MVD: variants seen among roughly 807,000 people sequenced by gnomAD.
MVD encodes mevalonate diphosphate decarboxylase.
In MVD, 52 loss-of-function variants were observed where a neutral mutation model predicts 42.4. The ratio of observed to expected loss-of-function variants is 1.23; its 90% CI spans 0.98 to 1.55. The LOEUF (loss-of-function observed/expected upper bound fraction) is 1.55. Among genes scored for constraint, MVD ranks in the 40% most tolerant of loss-of-function variants. The pLI is 0.00. For missense variants in MVD, 663 were observed against 572.1 expected (o/e 1.16, Z -1.62); for synonymous variants, 287 against 243.2 (o/e 1.18, Z -1.68).
rs1418950603 is a variant in MVD at position 88,662,887 on chromosome 16, G to C, written c.70+124C>G. 12 of 1,484,632 alleles carry C rather than the reference G, an allele frequency of 8.1e-6. No individual in the cohort carries two copies. The East Asian group carries it at 1.9e-4, about 24-fold the overall frequency. The allele number at this position is 1,484,632 out of a possible 1,614,324, so 92.0% of individuals were successfully genotyped here. A position where few individuals can be genotyped will look rare whatever the true frequency, so the allele number is the denominator to read the frequency against. ...CCGCCGCGCCCCTCCCTGAGCCTCA[G>C]TTTCCCCGTCTGTCGAGGCCCTGGG... is the stretch of plus-strand genomic sequence containing the variant. On this transcript the variant is annotated intron_variant, in intron 1 of 9. Coordinates refer to ENST00000301012, the MANE Select transcript of MVD (RefSeq NM_002461.3).
chr16:88,656,288 A>G lies in MVD; in HGVS notation c.420T>C (p.Arg140=), dbSNP rs765307322. The G allele has an allele frequency of 6.3e-7, 1 of 1,599,634 alleles. No homozygotes were observed. Among genetic ancestry groups the G allele is most frequent in the Non-Finnish European group, 8.5e-7 (1 of 1,179,906 alleles). The stretch of plus-strand genomic sequence containing the variant: ...AGAGGTCACTCTCCACGCCGTAGAC[A>G]CGGGCCAGGGTGTAGGCTGCAGGCA... ...GYACLAYTLA[R]VYGVESDLSE... is the part of the protein sequence containing the mutation. Residue 140 remains arginine, a synonymous_variant, in exon 5 of 10, where the codon CGT becomes CGC. Coordinates refer to ENST00000301012, the MANE Select transcript of MVD (RefSeq NM_002461.3).
At position 88,663,022 on chromosome 16, in the gene MVD, A is replaced by T. The variant is rs1231003112; in HGVS notation, c.59T>A (p.Val20Asp). 6.2e-7 allele frequency: 1 copy of T among 1,607,174 alleles called. No homozygotes were observed. Residue 20 changes from valine (V) to aspartate (D), a missense_variant, in exon 1 of 10, where the codon GTC becomes GAC. Val to Asp is a radical substitution (Grantham distance 152, BLOSUM62 -3). Transcript: ENST00000301012. Reference sequence around the variant, plus strand: ...CCCGCGGCACTCACAGTACTTGATGACCGCGATGTTGACCGGCGCTGTACA... The same window carrying T: ...CCCGCGGCACTCACAGTACTTGATGTCCGCGATGTTGACCGGCGCTGTACA... ...VTCTAPVNIA[V>D]IKYWGKRDEE...
rs964618137 is a variant in MVD, at chr16:88,655,557, C to T, written c.678+99G>A. ...CTGCACGTGGTCTTGGCGGGGCTGC[C>T]GCAGGTGTGAGAACACTCGGGCCCA... On this transcript the variant is annotated intron_variant, in intron 6 of 9. Transcript: ENST00000301012. 17 of 1,516,074 alleles carry T rather than the reference C, an allele frequency of 1.1e-5. No individual in the cohort carries two copies. In the South Asian group the frequency reaches 1.3e-4, roughly 12 times the overall value. The allele number at this position is 1,516,074 out of a possible 1,614,324, so 93.9% of individuals were successfully genotyped here. A position where few individuals can be genotyped will look rare whatever the true frequency, so the allele number is the denominator to read the frequency against.
intron 3 of MVD, 48 bp from the exon 4 acceptor site, chr16:88,657,630 C>A: frequency 6.3e-7 from 1 of 1,592,584 alleles, no homozygotes; most frequent in Non-Finnish European, 8.6e-7. Context: ...AGCACCCTGC[C>A]CGCCCTGCTC....
At chr16:88,658,156 G>T in intron 2 of MVD, 127 bp from the exon 3 acceptor site, 2 of 915,510 alleles carry the variant, frequency 2.2e-6, no homozygotes, top group East Asian at 2.5e-5. Context: ...TGAGGGCAGG[G>T]GGGGAAAGGC....
rs539827347 is a variant in MVD, at chr16:88,658,937, G to C, written c.71-217C>G. 3.5e-4 allele frequency: 196 copies of C among 554,376 alleles called. 6 individuals are homozygous for C. The highest frequency in any genetic ancestry group is 3.5e-3 in the Middle Eastern group (7 of 2,028). 34.3% of individuals were successfully genotyped at this position (554,376 alleles called of 1,614,324 possible). A position where few individuals can be genotyped will look rare whatever the true frequency, so the allele number is the denominator to read the frequency against. On this transcript the variant is annotated intron_variant, in intron 1 of 9. Coordinates refer to ENST00000301012, the MANE Select transcript of MVD (RefSeq NM_002461.3). The stretch of plus-strand genomic sequence containing the variant: ...GCTCCCAGAGCAGAGCTGGAGGCCA[G>C]CCAACCTCCGTCCCCGCTCCCCATT...
intron 7 of MVD, 103 bp downstream of exon 7, chr16:88,655,096 C>G: frequency 7.5e-7 from 1 of 1,326,660 alleles, no homozygotes; most frequent in Non-Finnish European, 1.0e-6. Flanking sequence ...CTTTCAGACA[C>G]AGATTGCCCT....
chr16:88,657,649 C>T (rs1453442441), intron 3 of MVD, 67 bp from the exon 4 acceptor site: 6 of 1,579,588 alleles, frequency 3.8e-6, no homozygotes, highest in Non-Finnish European at 4.3e-6. Context: ...TCCTGCCCAC[C>T]TGCCCGGGGT....
At chr16:88,660,953 C>T (rs1354644392) in intron 1 of MVD, 1 of 135,522 alleles carries the variant, frequency 7.4e-6, no homozygotes, top group East Asian at 2.1e-4. Context: ...TTACAGTGAG[C>T]CAAGATTGTG....
At chr16:88,655,599 A>G (rs1340015262) in intron 6 of MVD, 57 bp downstream of exon 6, 1 of 1,539,028 alleles carries the variant, frequency 6.5e-7, no homozygotes, top group Non-Finnish European at 8.7e-7. Flanking sequence ...GGCTGAGGGC[A>G]GAGCCGGGCA....
In MVD at chr16:88,652,305, G is replaced by A. The variant is rs1353742397; in HGVS notation, c.*220C>T. 24 of 612,452 alleles carry A rather than the reference G, an allele frequency of 3.9e-5. No individual in the cohort carries two copies. Among genetic ancestry groups the A allele is most frequent in the East Asian group, 2.5e-4 (9 of 36,130 alleles). 37.9% of individuals were successfully genotyped at this position (612,452 alleles called of 1,614,324 possible). ...CCTCCCCATCCCATCTTGGCAAAGC[G>A]CTGGTGCAGCTTAGGGCAGCTGAAG... On this transcript the variant is annotated 3_prime_UTR_variant, in exon 10 of 10. Coordinates refer to ENST00000301012, the MANE Select transcript of MVD (RefSeq NM_002461.3).
Position 88,652,174 on chromosome 16 carries a change from C to A in MVD, c.*351G>T, listed in dbSNP as rs1488109617. ...CCCCTTCCCTGGTCCGCTGGAGGGACCACCTCCCCACTGAGCTCCTTTCTC... is the reference window on the plus strand; with the variant it reads ...CCCCTTCCCTGGTCCGCTGGAGGGAACACCTCCCCACTGAGCTCCTTTCTC... On this transcript the variant is annotated 3_prime_UTR_variant, in exon 10 of 10. Transcript: ENST00000301012. 1.7e-5 allele frequency: 7 copies of A among 407,272 alleles called. No homozygotes were observed. Among genetic ancestry groups the A allele is most frequent in the Non-Finnish European group, 3.2e-5 (7 of 218,618 alleles). The allele number at this position is 407,272 out of a possible 1,614,324, so 25.2% of individuals were successfully genotyped here. A position where few individuals can be genotyped will look rare whatever the true frequency, so the allele number is the denominator to read the frequency against.
intron 1 of MVD, 48 bp from the exon 2 acceptor site, chr16:88,658,768 T>G: frequency 3.1e-6 from 3 of 971,184 alleles, no homozygotes; most frequent in East Asian, 8.4e-5. Flanking sequence ...CGGCCCACCC[T>G]CCCCCAGTGT....
Position 88,652,369 on chromosome 16 carries a change from A to G in MVD, c.*156T>C, listed in dbSNP as rs1464630414. On this transcript the variant is annotated 3_prime_UTR_variant, in exon 10 of 10. Coordinates refer to ENST00000301012, the MANE Select transcript of MVD (RefSeq NM_002461.3). The stretch of plus-strand genomic sequence containing the variant: ...CCTCTCCTGACACCTGGGCGGCCGC[A>G]GGACTCCCTGCACTGCCCCACAGCA... 1 of 789,564 alleles carries G rather than the reference A, an allele frequency of 1.3e-6. No homozygotes were observed. Among genetic ancestry groups the G allele is most frequent in the Admixed American group, 2.1e-5 (1 of 48,032 alleles). 48.9% of individuals were successfully genotyped at this position (789,564 alleles called of 1,614,324 possible).
chr16:88,658,525 G>T, intron 2 of MVD, 125 bp downstream of exon 2: 1 of 914,082 alleles, frequency 1.1e-6, no homozygotes, highest in Non-Finnish European at 1.7e-6. Flanking sequence ...CCAATGCCTG[G>T]GCTCAAGAGA....
intron 1 of MVD, among the ~76,000 whole-genome samples, chr16:88,662,442 G>C (rs1461402420): frequency 6.6e-6 from 1 of 152,238 alleles, no homozygotes; most frequent in East Asian, 1.9e-4. Context: ...AGGTAACCCC[G>C]GCGCGAGGGG....
intron 1 of MVD, chr16:88,662,671 A>G (rs1005681533): frequency 1.6e-5 from 21 of 1,304,910 alleles, no homozygotes; most frequent in African/African-American, 3.1e-5. Context: ...CCTCCCGAGT[A>G]GCTGGAGCCA....
intron 7 of MVD, 79 bp downstream of exon 7, chr16:88,655,120 G>A (rs1052001838): frequency 1.8e-5 from 26 of 1,481,840 alleles, no homozygotes; most frequent in Middle Eastern, 4.4e-4. Context: ...CGCGAGCCCC[G>A]GGGCCGTCTC....
In MVD at chr16:88,657,437, T is replaced by G; in HGVS notation, c.402A>C (p.Leu134=). The change falls in exon 4 of 10, where the codon CTA becomes CTC. Residue 134 remains leucine (L), a splice_region_variant and synonymous_variant. Coordinates refer to ENST00000301012, the MANE Select transcript of MVD (RefSeq NM_002461.3). ...CTGCGGGTCTCTGTGGGCACCCACCTAGGCAGGCATAGCCCGCCGCTGAGG... is the reference window on the plus strand; with the variant it reads ...CTGCGGGTCTCTGTGGGCACCCACCGAGGCAGGCATAGCCCGCCGCTGAGG... ...LASSAAGYAC[L]AYTLARVYGV... The G allele has an allele frequency of 6.2e-7, 1 of 1,601,564 alleles. No individual in the cohort carries two copies. Among genetic ancestry groups the G allele is most frequent in the East Asian group, 2.3e-5 (1 of 44,198 alleles).
Sources: gnomAD v4.1 joint callset for allele counts (sites outside exome capture counted in the v4.1 genomes callset) on GRCh38, gnomAD v4.1.1 for gene constraint, MANE v1.5 for transcripts, NCBI Gene and HGNC (gene_info 2026-07-23, HGNC 2026-07-21) for gene names.